Variants in POU2F1 observed in about 807,000 individuals in gnomAD.
POU2F1 encodes POU domain, class 2, transcription factor 1.
Under a neutral mutation model 84.9 loss-of-function variants are expected in POU2F1, and 16 were observed. The observed-to-expected ratio is 0.19, with a 90% CI of 0.13 to 0.29. The LOEUF is 0.29. Among genes scored for constraint, POU2F1 ranks in the 10% least tolerant of loss-of-function variants. The pLI is 1.00. For synonymous variants in POU2F1, 368 were observed against 368.3 expected (o/e 1.00, Z 0.01); for missense variants, 738 against 942.6 (o/e 0.78, Z 2.84).
chr1:167,287,554 G>A (rs1653620599), intron 1 of POU2F1, among the ~76,000 whole-genome samples: 1 of 152,186 alleles, frequency 6.6e-6, no homozygotes, highest in Non-Finnish European at 1.5e-5. Flanking sequence ...AAATAGATAT[G>A]TTTTGAAGAA....
At chr1:167,253,596 T>C (rs1650904004) in intron 1 of POU2F1, among the ~76,000 whole-genome samples, 1 of 152,054 alleles carries the variant, frequency 6.6e-6, no homozygotes, top group Admixed American at 6.5e-5. Flanking sequence ...TGGTTAATTT[T>C]TTGTATTTTT....
rs73034562 is a variant in POU2F1, at chr1:167,247,842, A to G, written c.61+26884A>G. On this transcript the variant is annotated intron_variant, in intron 1 of 15. Transcript: ENST00000367866. ...ACAAGTAGAATATTTATACCATGCA[A>G]TCAAACTGTGCAGATTTTGAATGTT... is the stretch of plus-strand genomic sequence containing the variant. Among the ~76,000 whole-genome samples the G allele has an allele frequency of 4.6e-3, 698 of 152,324 alleles. 10 individuals carry two copies. Among genetic ancestry groups the G allele is most frequent in the African/African-American group, 0.015 (631 of 41,556 alleles).
In POU2F1 at chr1:167,419,412, C is replaced by T. The variant is rs1650510627; in HGVS notation, c.*3602C>T. On this transcript the variant is annotated 3_prime_UTR_variant, in exon 16 of 16. Transcript: ENST00000367866. Reference sequence around the variant, plus strand: ...ACTAAGCCAAAGACTATTCTAAATGCATTTATAGTGAATACTATGTATGCC... The same window carrying T: ...ACTAAGCCAAAGACTATTCTAAATGTATTTATAGTGAATACTATGTATGCC... 6.6e-6 allele frequency: 1 copy of T among 152,082 alleles called. No individual in the cohort carries two copies. The highest frequency in any genetic ancestry group is 6.5e-5 in the Admixed American group (1 of 15,280). The allele number at this position is 152,082 out of a possible 1,614,324, so 9.4% of individuals were successfully genotyped here. A position where few individuals can be genotyped will look rare whatever the true frequency, so the allele number is the denominator to read the frequency against.
In POU2F1 at chr1:167,420,706, T is replaced by C. The variant is rs1650596266; in HGVS notation, c.*4896T>C. 6.6e-6 allele frequency: 1 copy of C among 152,190 alleles called. No homozygotes were observed. The highest frequency in any genetic ancestry group is 2.1e-4 in the South Asian group (1 of 4,828). 9.4% of individuals were successfully genotyped at this position (152,190 alleles called of 1,614,324 possible). A position where few individuals can be genotyped will look rare whatever the true frequency, so the allele number is the denominator to read the frequency against. On this transcript the variant is annotated 3_prime_UTR_variant, in exon 16 of 16. Coordinates refer to ENST00000367866, the MANE Select transcript of POU2F1 (RefSeq NM_002697.4). ...CCTGCCAGGGAGAAGTCAGTAGTATTGCTGACTCACTGTATCACTGAGTGT... is the reference window on the plus strand; with the variant it reads ...CCTGCCAGGGAGAAGTCAGTAGTATCGCTGACTCACTGTATCACTGAGTGT...
At chr1:167,239,664 C>G (rs575978634) in intron 1 of POU2F1, among the ~76,000 whole-genome samples, 1 of 152,276 alleles carries the variant, frequency 6.6e-6, no homozygotes, top group African/African-American at 2.4e-5. Flanking sequence ...AAGTGATCAC[C>G]TTAATACAGA....
At chr1:167,399,077 A>T (rs1031011641) in intron 11 of POU2F1, 109 bp from the exon 12 acceptor site, 2 of 1,037,492 alleles carry the variant, frequency 1.9e-6, no homozygotes, top group East Asian at 2.4e-5. Flanking sequence ...CCTAATGTGG[A>T]TGGTCATATG....
At chr1:167,338,707 A>G (rs566364196) in intron 2 of POU2F1, among the ~76,000 whole-genome samples, 4 of 152,260 alleles carry the variant, frequency 2.6e-5, no homozygotes, top group African/African-American at 7.2e-5. Context: ...GGTAAAGTCT[A>G]TTCTATGTTC....
rs1217332150 is a variant in POU2F1 at position 167,424,654 on chromosome 1, G to A, written c.*8844G>A. 1 of 152,216 alleles carries A rather than the reference G, an allele frequency of 6.6e-6. No homozygotes were observed. Among genetic ancestry groups the A allele is most frequent in the East Asian group, 1.9e-4 (1 of 5,206 alleles). The allele number at this position is 152,216 out of a possible 1,614,324, so 9.4% of individuals were successfully genotyped here. A position where few individuals can be genotyped will look rare whatever the true frequency, so the allele number is the denominator to read the frequency against. ...TCATGGGACCTGTAGCCTAGGGTGG[G>A]ACCCCCTAAAGCCTCTGAATGTCGC... On this transcript the variant is annotated 3_prime_UTR_variant, in exon 16 of 16. Coordinates refer to ENST00000367866, the MANE Select transcript of POU2F1 (RefSeq NM_002697.4).
In POU2F1 at chr1:167,389,767, G is replaced by A; in HGVS notation, c.987+6G>A. 1 of 1,611,500 alleles carries A rather than the reference G, an allele frequency of 6.2e-7. No homozygotes were observed. Among genetic ancestry groups the A allele is most frequent in the African/African-American group, 1.3e-5 (1 of 74,986 alleles). ...TCAAACTTGGATTCACTCAGGTAGG[G>A]TGAATTGGCCTTACATTGATTCCCC... On this transcript the variant is annotated splice_donor_region_variant and intron_variant, in intron 9 of 15. Transcript: ENST00000367866.
At chr1:167,358,916 ATT>A (rs1659165809) in intron 2 of POU2F1, among the ~76,000 whole-genome samples, 1 of 150,202 alleles carries the variant, frequency 6.7e-6, no homozygotes, top group Admixed American at 6.6e-5. Flanking sequence ...CTTCTCTCTT[ATT>A]TTCTTGTTCC....
chr1:167,355,187 G>A (rs75666166), intron 2 of POU2F1, among the ~76,000 whole-genome samples: 1 of 142,970 alleles, frequency 7.0e-6, no homozygotes, highest in African/African-American at 2.6e-5. Flanking sequence ...TTTTTTTTTA[G>A]TATAGTGTAA....
At chr1:167,221,818 G>GC (rs1483095008) in intron 1 of POU2F1, among the ~76,000 whole-genome samples, 9 of 151,876 alleles carry the variant, frequency 5.9e-5, no homozygotes, top group African/African-American at 9.7e-5. Context: ...GGGTCTGCGT[G>GC]CCCCCCCTGG....
At chr1:167,257,680 GTAA>G (rs1159918668) in intron 1 of POU2F1, 2 of 152,112 alleles carry the variant, frequency 1.3e-5, no homozygotes, top group African/African-American at 2.4e-5. Context: ...GCAACTAGAG[GTAA>G]TAATAATGGC....
At chr1:167,338,188 CCTT>C (rs2101746787) in intron 2 of POU2F1, 1 of 468,394 alleles carries the variant, frequency 2.1e-6, no homozygotes, top group East Asian at 6.9e-5. Flanking sequence ...TCCTGTTCCT[CCTT>C]CTCAGCCTAC....
chr1:167,222,019 C>T (rs1193492850), intron 1 of POU2F1, among the ~76,000 whole-genome samples: 4 of 152,116 alleles, frequency 2.6e-5, no homozygotes, highest in Non-Finnish European at 4.4e-5. Context: ...TCCCCGCTGC[C>T]CCCCCTCCGT....
intron 1 of POU2F1, among the ~76,000 whole-genome samples, chr1:167,230,162 G>A (rs1300127286): frequency 7.2e-5 from 11 of 152,172 alleles, no homozygotes; most frequent in Admixed American, 7.2e-4. Flanking sequence ...CCCAGTTTGA[G>A]ACACATGACC....
At chr1:167,221,599 A>G (rs1027240636) in intron 1 of POU2F1, among the ~76,000 whole-genome samples, 2 of 149,944 alleles carry the variant, frequency 1.3e-5, no homozygotes, top group African/African-American at 4.9e-5. Context: ...CCTCAGGGCA[A>G]CCGGGGGTGC....
At position 167,421,839 on chromosome 1, in the gene POU2F1, TCGATAAA is replaced by T. The variant is rs1650666195; in HGVS notation, c.*6031_*6037del. On this transcript the variant is annotated 3_prime_UTR_variant, in exon 16 of 16. Transcript: ENST00000367866. ...TTAGTTGAACTAATGTTTATTATGA[TCGATAAA>T]CAAGATTGATGCTGTATGTATTTGG... The T allele has an allele frequency of 6.7e-6, 1 of 149,364 alleles. No homozygotes were observed. Among genetic ancestry groups the T allele is most frequent in the African/African-American group, 2.5e-5 (1 of 40,634 alleles). The allele number at this position is 149,364 out of a possible 1,614,324, so 9.3% of individuals were successfully genotyped here. A position where few individuals can be genotyped will look rare whatever the true frequency, so the allele number is the denominator to read the frequency against.
At position 167,329,165 on chromosome 1, in the gene POU2F1, T is replaced by C. The variant is rs1656908262; in HGVS notation, c.62-3305T>C. On this transcript the variant is annotated intron_variant, in intron 1 of 15. Transcript: ENST00000367866. ...CCCTACGCAACCCCCCTCTTTTCGC[T>C]TAAGAACATACTGTAGATTTGTTAG... 3.4e-6 allele frequency: 5 copies of C among 1,456,278 alleles called. No individual in the cohort carries two copies. In the South Asian group the frequency reaches 6.8e-5, roughly 20 times the overall value. 90.2% of individuals were successfully genotyped at this position (1,456,278 alleles called of 1,614,324 possible). A position where few individuals can be genotyped will look rare whatever the true frequency, so the allele number is the denominator to read the frequency against.
Sources: allele counts gnomAD v4.1 joint callset (sites outside exome capture counted in the v4.1 genomes callset), GRCh38; gene constraint gnomAD v4.1.1; transcripts MANE v1.5; gene names NCBI Gene and HGNC (gene_info 2026-07-23, HGNC 2026-07-21).